Variants in PRPH2 observed in about 807,000 individuals in gnomAD.
The protein encoded by PRPH2 is peripherin 2.
In PRPH2, 17 loss-of-function variants were observed where a neutral mutation model predicts 31.3. The ratio of observed to expected loss-of-function variants is 0.54; its 90% CI spans 0.37 to 0.81. The LOEUF (loss-of-function observed/expected upper bound fraction) is 0.81. Ranked by LOEUF, PRPH2 falls within the 40% of genes least tolerant of loss-of-function variation. The pLI is 0.00. For missense variants in PRPH2, 430 were observed against 439.7 expected (o/e 0.98, Z 0.20); for synonymous variants, 165 against 184.4 (o/e 0.89, Z 0.85).
intron 2 of PRPH2, among the ~76,000 whole-genome samples, chr6:42,698,765 C>T (rs1019384321): frequency 6.6e-6 from 1 of 152,098 alleles, no homozygotes; most frequent in African/African-American, 2.4e-5. Flanking sequence ...TCGCCCATGC[C>T]CCCTACTTTC....
Position 42,697,610 on chromosome 6 carries a change from T to C in PRPH2, c.*685A>G, listed in dbSNP as rs1799969770. The C allele has an allele frequency of 6.6e-6, 1 of 152,412 alleles. No individual in the cohort carries two copies. Among genetic ancestry groups the C allele is most frequent in the African/African-American group, 2.4e-5 (1 of 41,442 alleles). The allele number at this position is 152,412 out of a possible 1,614,324, so 9.4% of individuals were successfully genotyped here. On this transcript the variant is annotated 3_prime_UTR_variant, in exon 3 of 3. Coordinates refer to ENST00000230381, the MANE Select transcript of PRPH2 (RefSeq NM_000322.5). ...ACTCCAGACTCAGTGACCGAGGGCA[T>C]GTGAATGGGACACAAAAGCAGGCCT...
Position 42,722,120 on chromosome 6 carries a change from C to T in PRPH2, c.215G>A (p.Cys72Tyr). ...NSLIGMGVLS[C>Y]VFNSLAGKIC... ...CTTCCCAGCCAGCGAGTTGAAGACA[C>T]AGGATAGCACCCCCATCCCTATCAA... is the stretch of plus-strand genomic sequence containing the variant. The change falls in exon 1 of 3, where the codon TGT (cysteine) becomes TAT (tyrosine). Residue 72 changes from cysteine (C) to tyrosine (Y), a missense_variant. Physicochemically the swap from Cys to Tyr is radical, Grantham distance 194. Transcript: ENST00000230381. The surrounding 1 kb of genome is among the most constrained non-coding windows in gnomAD (Gnocchi z 4.4). 1.2e-6 allele frequency: 2 copies of T among 1,614,148 alleles called. No homozygotes were observed. The highest frequency in any genetic ancestry group is 1.7e-6 in the Non-Finnish European group (2 of 1,180,020).
intron 1 of PRPH2, among the ~76,000 whole-genome samples, chr6:42,707,833 A>G: frequency 6.6e-6 from 1 of 152,184 alleles, no homozygotes; most frequent in East Asian, 1.9e-4. Context: ...CACTGCCCAG[A>G]GACCACATGG....
intron 1 of PRPH2, among the ~76,000 whole-genome samples, chr6:42,713,617 G>T (rs1342680336): frequency 6.6e-6 from 1 of 151,972 alleles, no homozygotes; most frequent in Non-Finnish European, 1.5e-5. Flanking sequence ...GAGAGGAAAT[G>T]GAGAAGAAGA....
chr6:42,701,468 T>A (rs394653), intron 2 of PRPH2, among the ~76,000 whole-genome samples: 3 of 151,598 alleles, frequency 2.0e-5, no homozygotes, highest in Non-Finnish European at 4.4e-5. Flanking sequence ...CTATGTTGCC[T>A]GGGCTGGTCT....
chr6:42,704,699 G>C, intron 1 of PRPH2, 88 bp from the exon 2 acceptor site: 1 of 1,577,462 alleles, frequency 6.3e-7, no homozygotes, highest in South Asian at 1.1e-5. Flanking sequence ...TGGAAACCTA[G>C]AATAGTCATT....
At chr6:42,701,514 C>T (rs950098393) in intron 2 of PRPH2, among the ~76,000 whole-genome samples, 6 of 151,810 alleles carry the variant, frequency 4.0e-5, no homozygotes, top group African/African-American at 1.5e-4. Flanking sequence ...CTGCCTTAGC[C>T]TCCCAAATCC....
At chr6:42,710,261 T>A (rs1189309323) in intron 1 of PRPH2, among the ~76,000 whole-genome samples, 1 of 151,716 alleles carries the variant, frequency 6.6e-6, no homozygotes, top group Non-Finnish European at 1.5e-5. Context: ...CCCCTGAAGA[T>A]GGGGCTGTCT....
In PRPH2 at chr6:42,722,305, C is replaced by A. The variant is rs1487386106; in HGVS notation, c.30G>T (p.Gln10His). ...CTTGGGCCAACTTGACCCGCTTCTTCTGGTCAAACTTGACTTTCAGTAGCG... is the reference window on the plus strand; with the variant it reads ...CTTGGGCCAACTTGACCCGCTTCTTATGGTCAAACTTGACTTTCAGTAGCG... Reference protein sequence around the residue: MALLKVKFDQKKRVKLAQGL... With the variant: MALLKVKFDHKKRVKLAQGL... The change falls in exon 1 of 3, where the codon CAG (glutamine) becomes CAT (histidine). Residue 10 changes from glutamine to histidine, a missense_variant. Gln to His is a conservative substitution (Grantham distance 24). Transcript: ENST00000230381. This position sits in a 1 kb window ranked among gnomAD's most constrained non-coding sequence, Gnocchi z 4.4. The A allele has an allele frequency of 1.9e-6, 3 of 1,613,930 alleles. No individual in the cohort carries two copies. The African/African-American group carries it at 4.0e-5, about 22-fold the overall frequency.
intron 2 of PRPH2, among the ~76,000 whole-genome samples, chr6:42,701,532 T>C (rs1317993865): frequency 6.6e-6 from 1 of 151,788 alleles, no homozygotes; most frequent in Non-Finnish European, 1.5e-5. Flanking sequence ...TCCTAGCTAA[T>C]GCCTGCTAGG....
intron 2 of PRPH2, among the ~76,000 whole-genome samples, chr6:42,702,731 G>A (rs410681): frequency 0.27 from 40,543 of 150,178 alleles, 5,573 homozygotes; most frequent in Non-Finnish European, 0.3. Context: ...CTGGCTAGGC[G>A]TGGTGGTGCA....
At chr6:42,701,046 G>A (rs1284711154) in intron 2 of PRPH2, among the ~76,000 whole-genome samples, 3 of 150,078 alleles carry the variant, frequency 2.0e-5, no homozygotes, top group Non-Finnish European at 4.4e-5. Context: ...TTGAGATCAT[G>A]GCTTACAGCA....
rs13214506 is a variant in PRPH2 at position 42,704,836 on chromosome 6, G to A, written c.582-225C>T. On this transcript the variant is annotated intron_variant, in intron 1 of 2. Coordinates refer to ENST00000230381, the MANE Select transcript of PRPH2 (RefSeq NM_000322.5). ...GACCTTGAGGTAGACGGTAATCCAA[G>A]ACCCAAGTCAATAGGGAGTATAGAA... Among the ~76,000 whole-genome samples the A allele has an allele frequency of 0.26, 39,565 of 152,178 alleles. 5,521 individuals carry two copies. Among genetic ancestry groups the A allele is most frequent in the East Asian group, 0.48 (2,472 of 5,172 alleles).
chr6:42,702,635 C>T (rs1327489640), intron 2 of PRPH2, among the ~76,000 whole-genome samples: 3 of 80,916 alleles, frequency 3.7e-5, no homozygotes, highest in South Asian at 4.2e-4. Flanking sequence ...AGGCCGAGGC[C>T]GAGGCTGGTG....
intron 1 of PRPH2, chr6:42,711,927 C>T (rs1451074449): frequency 2.0e-6 from 2 of 985,300 alleles, no homozygotes; most frequent in East Asian, 1.1e-4. Context: ...TGCAGCTCTG[C>T]TCATCCTGCA....
chr6:42,715,614 C>G (rs1444636352), intron 1 of PRPH2, among the ~76,000 whole-genome samples: 2 of 151,214 alleles, frequency 1.3e-5, no homozygotes, highest in Non-Finnish European at 3.0e-5. Context: ...GAGGTTGCAG[C>G]AAGCTGAGAT....
Position 42,722,281 on chromosome 6 carries a change from T to A in PRPH2, c.54A>T (p.Gln18His), listed in dbSNP as rs752955075. The change falls in exon 1 of 3, where the codon CAA (glutamine) becomes CAT (histidine). Residue 18 changes from glutamine to histidine, a missense_variant. Physicochemically the swap from Gln to His is conservative, Grantham distance 24 (BLOSUM62 0). Coordinates refer to ENST00000230381, the MANE Select transcript of PRPH2 (RefSeq NM_000322.5). The surrounding 1 kb of genome is among the most constrained non-coding windows in gnomAD (Gnocchi z 4.4). ...FDQKKRVKLAQGLWLMNWFSV... is the reference protein window; with the variant it reads ...FDQKKRVKLAHGLWLMNWFSV... Reference sequence around the variant, plus strand: ...AGAACCAGTTCATGAGCCAGAGCCCTTGGGCCAACTTGACCCGCTTCTTCT... The same window carrying A: ...AGAACCAGTTCATGAGCCAGAGCCCATGGGCCAACTTGACCCGCTTCTTCT... The A allele has an allele frequency of 6.2e-6, 10 of 1,614,152 alleles. No individual in the cohort carries two copies. The South Asian group carries it at 1.1e-4, about 18-fold the overall frequency.
intron 1 of PRPH2, among the ~76,000 whole-genome samples, chr6:42,718,628 A>G (rs1761834289): frequency 6.6e-6 from 1 of 152,114 alleles, no homozygotes; most frequent in Non-Finnish European, 1.5e-5. Context: ...TTCAGTTCTA[A>G]GAAATTTGTG....
intron 2 of PRPH2, among the ~76,000 whole-genome samples, chr6:42,703,631 G>C (rs2152004967): frequency 6.6e-6 from 1 of 152,300 alleles, no homozygotes; most frequent in South Asian, 2.1e-4. Flanking sequence ...CATAAATCCA[G>C]AGAACAGTTG....
Sources: allele counts gnomAD v4.1 joint callset (sites outside exome capture counted in the v4.1 genomes callset), GRCh38; gene constraint gnomAD v4.1.1; non-coding constraint Gnocchi (gnomAD v3.1); transcripts MANE v1.5; gene names NCBI Gene and HGNC (gene_info 2026-07-23, HGNC 2026-07-21).